Variants in ZNF710 observed in about 807,000 individuals in gnomAD.
ZNF710 encodes the protein zinc finger protein 710.
In ZNF710, 13 loss-of-function variants were observed where a neutral mutation model predicts 50.6. The ratio of observed to expected loss-of-function variants is 0.26; its 90% CI spans 0.17 to 0.41. The LOEUF (loss-of-function observed/expected upper bound fraction) is 0.41, where lower values mean the gene tolerates loss of function less well. Among genes scored for constraint, ZNF710 ranks in the 10% least tolerant of loss-of-function variants. The pLI, the probability that ZNF710 is intolerant of heterozygous loss-of-function variation, is 1.00. For synonymous variants in ZNF710, 383 were observed against 397.0 expected, an observed-to-expected ratio of 0.96 and a Z score of 0.42; for missense variants, 721 against 936.6, an observed-to-expected ratio of 0.77 and a Z score of 3.01.
intron 4 of ZNF710, chr15:90,074,669 C>G (rs1900531614): frequency 2.4e-6 from 1 of 423,674 alleles, no homozygotes; most frequent in African/African-American, 2.1e-5. Flanking sequence ...TGCAAGATGA[C>G]AACACAGCAG....
intron 1 of ZNF710, among the ~76,000 whole-genome samples, chr15:90,008,319 G>A (rs1898188353): frequency 6.7e-6 from 1 of 149,768 alleles, no homozygotes; most frequent in South Asian, 2.1e-4. Context: ...TATCCAGTAT[G>A]TATTATCTTT....
At chr15:90,002,380 G>A (rs1048386438) in intron 1 of ZNF710, 14 of 150,722 alleles carry the variant, frequency 9.3e-5, no homozygotes, top group African/African-American at 3.4e-4. Context: ...CTGTCTGGGG[G>A]CGTGGGGGTG....
intron 1 of ZNF710, among the ~76,000 whole-genome samples, chr15:90,056,912 TG>T (rs1899837199): frequency 6.6e-6 from 1 of 152,072 alleles, no homozygotes; most frequent in Non-Finnish European, 1.5e-5. Context: ...TAAGGGGGGT[TG>T]ATTGCCAGCG....
At chr15:90,014,494 T>G (rs531748648) in intron 1 of ZNF710, among the ~76,000 whole-genome samples, 1 of 140,426 alleles carries the variant, frequency 7.1e-6, no homozygotes, top group East Asian at 2.0e-4. Context: ...CTGGGAAACA[T>G]AGTGAGACCC....
chr15:90,006,908 T>C (rs77133961), intron 1 of ZNF710: 3,999 of 154,862 alleles, frequency 0.026, 184 homozygotes, highest in African/African-American at 0.091. Context: ...TGGGAGCTCA[T>C]TGGGTGACGC....
chr15:90,068,348 G>C lies in ZNF710; in HGVS notation c.1211G>C (p.Gly404Ala). ...GCCCACGAAGTGAAGCATGAGAGTG[G>C]CCGCTGCCATGTCTGCGTCGAGTGC... ...LKAHEVKHESGRCHVCVECGL... is the reference protein window; with the variant it reads ...LKAHEVKHESARCHVCVECGL... The change falls in exon 2 of 5, where the codon GGC becomes GCC. Residue 404 changes from glycine to alanine, a missense_variant. Gly to Ala is a moderately conservative substitution (Grantham distance 60). Transcript: ENST00000268154. This position sits in a 1 kb window ranked among gnomAD's most constrained non-coding sequence, Gnocchi z 5.0. 1 of 1,612,610 alleles carries C rather than the reference G, an allele frequency of 6.2e-7. No individual in the cohort carries two copies. Among genetic ancestry groups the C allele is most frequent in the South Asian group, 1.1e-5 (1 of 91,064 alleles).
intron 3 of ZNF710, 70 bp from the exon 4 acceptor site, chr15:90,074,046 T>TG: frequency 7.4e-7 from 1 of 1,355,718 alleles, no homozygotes. Context: ...GCCATAGAGG[T>TG]GGGAGTGGGC....
chr15:90,000,783 C>T (rs1017256604), upstream of ZNF710, among the ~76,000 whole-genome samples: 4 of 152,152 alleles, frequency 2.6e-5, no homozygotes, highest in Non-Finnish European at 5.9e-5. Flanking sequence ...GGGAAGGAAC[C>T]GGCACCCAGG....
In ZNF710 at chr15:90,067,536, A is replaced by C; in HGVS notation, c.399A>C (p.Ala133=). 1.2e-6 allele frequency: 2 copies of C among 1,612,802 alleles called. No homozygotes were observed. The highest frequency in any genetic ancestry group is 2.2e-5 in the East Asian group (1 of 44,848). ...EVSVPGDDKD[A]GPAEAPAEAA... is the part of the protein sequence containing the mutation. ...CTGTGCCAGGTGACGACAAGGACGCAGGGCCAGCAGAAGCCCCCGCCGAGG... is the reference window on the plus strand; with the variant it reads ...CTGTGCCAGGTGACGACAAGGACGCCGGGCCAGCAGAAGCCCCCGCCGAGG... Residue 133 remains alanine, a synonymous_variant, in exon 2 of 5, where the codon GCA becomes GCC. Transcript: ENST00000268154. This position sits in a 1 kb window ranked among gnomAD's most constrained non-coding sequence, Gnocchi z 8.1.
rs1308255806 is a variant in ZNF710 at position 90,081,959 on chromosome 15, G to A, written c.*2130G>A. Reference sequence around the variant, plus strand: ...GCACAACTCACAGTTTGAGCTGGGGGGTGGTCTTGGCAAGGCTCCTGTCTG... The same window carrying A: ...GCACAACTCACAGTTTGAGCTGGGGAGTGGTCTTGGCAAGGCTCCTGTCTG... On this transcript the variant is annotated 3_prime_UTR_variant, in exon 5 of 5. Transcript: ENST00000268154. The A allele has an allele frequency of 2.0e-5, 3 of 152,430 alleles. No homozygotes were observed. Among genetic ancestry groups the A allele is most frequent in the East Asian group, 3.9e-4 (2 of 5,172 alleles). 9.4% of individuals were successfully genotyped at this position (152,430 alleles called of 1,614,324 possible). A position where few individuals can be genotyped will look rare whatever the true frequency, so the allele number is the denominator to read the frequency against.
intron 1 of ZNF710, among the ~76,000 whole-genome samples, chr15:90,031,028 G>GAA (rs540881386): frequency 8.1e-6 from 1 of 122,852 alleles, no homozygotes; most frequent in Non-Finnish European, 1.7e-5. Flanking sequence ...CAAAAAAAAA[G>GAA]AAAAAAAAAA....
chr15:90,052,682 G>A (rs956963843), intron 1 of ZNF710, among the ~76,000 whole-genome samples: 3 of 152,202 alleles, frequency 2.0e-5, no homozygotes, highest in African/African-American at 7.2e-5. Context: ...TGTAATCCCA[G>A]CACTTTGGGA....
chr15:90,074,498 T>C, intron 4 of ZNF710: 2 of 1,518,496 alleles, frequency 1.3e-6, no homozygotes, highest in South Asian at 1.2e-5. Context: ...TTAAATGAGA[T>C]CACGTAAACA....
Position 90,067,438 on chromosome 15 carries a change from C to T in ZNF710, c.301C>T (p.Pro101Ser). The change falls in exon 2 of 5, where the codon CCA becomes TCA. Residue 101 changes from proline to serine, a missense_variant. Around this residue, in one of 3 missense-constraint regions of ZNF710, gnomAD observed 326 missense variants for 347.1 expected, o/e 0.94. Transcript: ENST00000268154. This position sits in a 1 kb window ranked among gnomAD's most constrained non-coding sequence, Gnocchi z 8.1. ...GAAGCACACCCGGCGGAAGACGCGG[C>T]CACCTGTGCGGTTGGTGCCCAAGGT... ...CEKHTRRKTR[P>S]PVRLVPKVKF... 1 of 1,608,856 alleles carries T rather than the reference C, an allele frequency of 6.2e-7. No homozygotes were observed. The highest frequency in any genetic ancestry group is 8.5e-7 in the Non-Finnish European group (1 of 1,177,454).
chr15:90,028,488 C>T (rs1898841824), intron 1 of ZNF710, among the ~76,000 whole-genome samples: 1 of 152,078 alleles, frequency 6.6e-6, no homozygotes, highest in Non-Finnish European at 1.5e-5. Flanking sequence ...TGGATCATGC[C>T]CTGTGCTGGG....
chr15:90,057,115 C>T (rs1899844509), intron 1 of ZNF710, among the ~76,000 whole-genome samples: 1 of 152,192 alleles, frequency 6.6e-6, no homozygotes, highest in Non-Finnish European at 1.5e-5. Flanking sequence ...ACATCTGCTC[C>T]TGTGGCTGAT....
At chr15:90,027,626 C>T in intron 1 of ZNF710, among the ~76,000 whole-genome samples, 1 of 152,084 alleles carries the variant, frequency 6.6e-6, no homozygotes, top group Admixed American at 6.5e-5. Flanking sequence ...CCAAGGCAGG[C>T]TGATCATTTG....
chr15:90,048,494 G>A (rs1899537218), intron 1 of ZNF710, among the ~76,000 whole-genome samples: 1 of 152,226 alleles, frequency 6.6e-6, no homozygotes, highest in Non-Finnish European at 1.5e-5. Context: ...CTTCACACAA[G>A]AAGCTTCTGG....
chr15:90,016,184 G>A (rs1256067765), intron 1 of ZNF710, among the ~76,000 whole-genome samples: 2 of 152,156 alleles, frequency 1.3e-5, no homozygotes, highest in African/African-American at 2.4e-5. Flanking sequence ...AGGATGGGTA[G>A]AAAGAAAGGA....
Sources: gnomAD v4.1 joint callset for allele counts (sites outside exome capture counted in the v4.1 genomes callset) on GRCh38, gnomAD v4.1.1 for gene constraint, gnomAD v4.1.1 regional missense constraint, Gnocchi (gnomAD v3.1) non-coding constraint, MANE v1.5 for transcripts, NCBI Gene and HGNC (gene_info 2026-07-23, HGNC 2026-07-21) for gene names.